TFRC: variants seen among roughly 807,000 people sequenced by gnomAD.
TFRC encodes transferrin receptor protein 1.
A neutral mutation model predicts 85.8 loss-of-function variants in TFRC; 35 were observed. The ratio of observed to expected loss-of-function variants is 0.41; its 90% CI spans 0.31 to 0.54. The LOEUF (loss-of-function observed/expected upper bound fraction) is 0.54. TFRC is among the 20% of genes least tolerant of loss of function. TFRC has a pLI of 0.31. For missense variants in TFRC, 828 were observed against 921.5 expected (o/e 0.90, Z 1.31); for synonymous variants, 362 against 328.6 (o/e 1.10, Z -1.10).
At chr3:196,065,989 C>CAAAAAA (rs41295865) in intron 9 of TFRC, among the ~76,000 whole-genome samples, 2 of 128,386 alleles carry the variant, frequency 1.6e-5, no homozygotes, top group Middle Eastern at 4.2e-3. Context: ...AGTCCTGTCT[C>CAAAAAA]AAAAAAAAAC....
intron 16 of TFRC, chr3:196,055,699 G>C (rs574265547): frequency 5.1e-5 from 14 of 273,724 alleles, no homozygotes; most frequent in Non-Finnish European, 8.6e-5. Flanking sequence ...CTAGAGTGCA[G>C]TGATGCAATC....
In TFRC at chr3:196,049,784, G is replaced by A; in HGVS notation, c.*2158C>T. On this transcript the variant is annotated 3_prime_UTR_variant, in exon 19 of 19. Coordinates refer to ENST00000360110, the MANE Select transcript of TFRC (RefSeq NM_001128148.3). ...TTTCACTTAGCTACGCTAAATGTCA[G>A]TCCAAGATAAAAGAGGAGATTAAAG... The A allele has an allele frequency of 4.3e-6, 1 of 230,128 alleles. No homozygotes were observed. The highest frequency in any genetic ancestry group is 8.6e-6 in the Non-Finnish European group (1 of 116,142). 14.3% of individuals were successfully genotyped at this position (230,128 alleles called of 1,614,324 possible). A position where few individuals can be genotyped will look rare whatever the true frequency, so the allele number is the denominator to read the frequency against.
In TFRC at chr3:196,049,938, C is replaced by T. The variant is rs9842780; in HGVS notation, c.*2004G>A. 0.017 allele frequency: 3,822 copies of T among 231,538 alleles called. 66 individuals carry two copies. The highest frequency in any genetic ancestry group is 0.05 in the African/African-American group (2,285 of 45,342). 14.3% of individuals were successfully genotyped at this position (231,538 alleles called of 1,614,324 possible). On this transcript the variant is annotated 3_prime_UTR_variant, in exon 19 of 19. Transcript: ENST00000360110. Reference sequence around the variant, plus strand: ...CCCTAGGAGGCCGTTTCCAACTGCCCTATGACAAACAGCTGATCATCACGT... The same window carrying T: ...CCCTAGGAGGCCGTTTCCAACTGCCTTATGACAAACAGCTGATCATCACGT...
Position 196,058,236 on chromosome 3 carries a change from C to T in TFRC, c.1677+48G>A, listed in dbSNP as rs781575223. ...CCCTATTCCCAAATACAGATCACTT[C>T]CTTTTAGAGAGCCTCTCTCCATTTG... On this transcript the variant is annotated intron_variant, in intron 16 of 18. Coordinates refer to ENST00000360110, the MANE Select transcript of TFRC (RefSeq NM_001128148.3). The T allele has an allele frequency of 6.0e-6, 9 of 1,504,958 alleles. No individual in the cohort carries two copies. In the Admixed American group the frequency reaches 1.4e-4, roughly 23 times the overall value. 93.2% of individuals were successfully genotyped at this position (1,504,958 alleles called of 1,614,324 possible).
At chr3:196,072,474 T>C (rs1718293820) in intron 4 of TFRC, among the ~76,000 whole-genome samples, 1 of 152,224 alleles carries the variant, frequency 6.6e-6, no homozygotes, top group African/African-American at 2.4e-5. Context: ...ATAGTAATAC[T>C]GTGCTGAACA....
chr3:196,060,694 A>C (rs9853824), intron 13 of TFRC: 8,384 of 147,298 alleles, frequency 0.057, 233 homozygotes, highest in South Asian at 0.11. Flanking sequence ...GCTACTCGGG[A>C]GGCTGAGGCA....
At chr3:196,078,077 T>C (rs1718859423) in intron 1 of TFRC, among the ~76,000 whole-genome samples, 1 of 152,190 alleles carries the variant, frequency 6.6e-6, no homozygotes, top group South Asian at 2.1e-4. Context: ...ATTTAAGACA[T>C]TAACCTTAAC....
At position 196,052,534 on chromosome 3, in the gene TFRC, G is replaced by A. The variant is rs948690816; in HGVS notation, c.2041-350C>T. 5.3e-5 allele frequency among the ~76,000 whole-genome samples: 8 copies of A among 151,988 alleles called. No individual in the cohort carries two copies. In the East Asian group the frequency reaches 1.2e-3, roughly 22 times the overall value. ...CAGCTCACTGCAACCTCCACCTCCCGGGTTCAAGTAATTCTCCTGCCTCAG... is the reference window on the plus strand; with the variant it reads ...CAGCTCACTGCAACCTCCACCTCCCAGGTTCAAGTAATTCTCCTGCCTCAG... On this transcript the variant is annotated intron_variant, in intron 18 of 18. Coordinates refer to ENST00000360110, the MANE Select transcript of TFRC (RefSeq NM_001128148.3).
intron 17 of TFRC, among the ~76,000 whole-genome samples, chr3:196,054,682 T>C (rs1355885298): frequency 6.6e-6 from 1 of 152,216 alleles, no homozygotes; most frequent in Non-Finnish European, 1.5e-5. Context: ...TAATAGAATA[T>C]TTGACTTTTA....
At chr3:196,070,017 C>A (rs1290046056) in intron 6 of TFRC, among the ~76,000 whole-genome samples, 1 of 152,166 alleles carries the variant, frequency 6.6e-6, no homozygotes, top group Admixed American at 6.5e-5. Flanking sequence ...TGTTCCTAAG[C>A]TCATAAGAGT....
chr3:196,068,251 A>G (rs769593783), intron 7 of TFRC, 121 bp from the exon 8 acceptor site: 5 of 584,370 alleles, frequency 8.6e-6, no homozygotes, highest in Non-Finnish European at 1.4e-5. Flanking sequence ...ATACTTCCAA[A>G]TATTTCAAAT....
intron 4 of TFRC, among the ~76,000 whole-genome samples, chr3:196,073,396 C>T (rs13072608): frequency 0.48 from 72,854 of 151,318 alleles, 19,315 homozygotes; most frequent in Non-Finnish European, 0.61. Context: ...GATGAGAGCA[C>T]GCCACCGTAT....
Position 196,069,878 on chromosome 3 carries a change from A to C in TFRC, c.688-310T>G, listed in dbSNP as rs538920778. ...GTCATGGGACTGGAGGCCTGGAACA[A>C]TCTTAGCCTTGAGGACATCATAGAA... On this transcript the variant is annotated intron_variant, in intron 6 of 18. Transcript: ENST00000360110. 2.0e-5 allele frequency among the ~76,000 whole-genome samples: 3 copies of C among 152,342 alleles called. No individual in the cohort carries two copies. In the South Asian group the frequency reaches 6.2e-4, roughly 32 times the overall value.
intron 13 of TFRC, among the ~76,000 whole-genome samples, chr3:196,061,654 T>C (rs374067734): frequency 6.6e-6 from 1 of 152,108 alleles, no homozygotes; most frequent in South Asian, 2.1e-4. Flanking sequence ...CACACCCGGC[T>C]AATTTTGGTA....
chr3:196,067,394 AC>A lies in TFRC; in HGVS notation c.1040+123del, dbSNP rs2108648697. 2.9e-6 allele frequency: 3 copies of A among 1,045,758 alleles called. No homozygotes were observed. In the Admixed American group the frequency reaches 7.7e-5, roughly 27 times the overall value. 64.8% of individuals were successfully genotyped at this position (1,045,758 alleles called of 1,614,324 possible). On this transcript the variant is annotated intron_variant, in intron 9 of 18. Coordinates refer to ENST00000360110, the MANE Select transcript of TFRC (RefSeq NM_001128148.3). ...TATATCTGTACCAAGGTAACAGCTA[AC>A]CATCCTCCAAATTCCCAAATGTGGA... is the stretch of plus-strand genomic sequence containing the variant.
chr3:196,051,960 G>C lies in TFRC; in HGVS notation c.2265C>G (p.Asp755Glu), dbSNP rs1716343533. ...ATCACATTTAAAACTCATTGTCAAT[G>C]TCCCAAACGTCACCAGAGAGGGCAT... ...AANALSGDVW[D>E]IDNEF Residue 755 changes from aspartate (D) to glutamate (E), a missense_variant, in exon 19 of 19, where the codon GAC becomes GAG. Physicochemically the swap from Asp to Glu is conservative, Grantham distance 45 (BLOSUM62 2). Coordinates refer to ENST00000360110, the MANE Select transcript of TFRC (RefSeq NM_001128148.3). 1 of 1,614,056 alleles carries C rather than the reference G, an allele frequency of 6.2e-7. No homozygotes were observed.
intron 16 of TFRC, among the ~76,000 whole-genome samples, chr3:196,056,189 C>T (rs570162459): frequency 1.5e-5 from 2 of 135,372 alleles, no homozygotes; most frequent in Admixed American, 1.4e-4. Context: ...GGCCACTGGG[C>T]CACTTAATTT....
chr3:196,067,628 T>C lies in TFRC; in HGVS notation c.930A>G (p.Thr310=). The part of the protein sequence containing the change: ...HAHLGTGDPY[T]PGFPSFNHTQ... Reference sequence around the variant, plus strand: ...TGTGATTGAAGGAAGGGAATCCAGGTGTGTAAGGGTCACCTGTCCCCAGAT... The same window carrying C: ...TGTGATTGAAGGAAGGGAATCCAGGCGTGTAAGGGTCACCTGTCCCCAGAT... Residue 310 remains threonine (T), a synonymous_variant, in exon 9 of 19, where the codon ACA becomes ACG. Transcript: ENST00000360110. The C allele has an allele frequency of 6.2e-7, 1 of 1,613,974 alleles. No homozygotes were observed. Among genetic ancestry groups the C allele is most frequent in the East Asian group, 2.2e-5 (1 of 44,862 alleles).
intron 2 of TFRC, among the ~76,000 whole-genome samples, chr3:196,075,890 G>T (rs74199047): frequency 1.2e-4 from 18 of 151,566 alleles, no homozygotes; most frequent in African/African-American, 3.9e-4. Context: ...CTCTGGGGGG[G>T]GCCGAGGCAC....
Sources: gnomAD v4.1 joint callset for allele counts (sites outside exome capture counted in the v4.1 genomes callset) on GRCh38, gnomAD v4.1.1 for gene constraint, MANE v1.5 for transcripts, NCBI Gene and HGNC (gene_info 2026-07-23, HGNC 2026-07-21) for gene names.